The following PCDHGA2 variants were observed in gnomAD, a reference collection of about 807,000 sequenced individuals.
PCDHGA2 encodes the protein protocadherin gamma subfamily A, 2.
In PCDHGA2, 40 loss-of-function variants were observed where a neutral mutation model predicts 59.2. The ratio of observed to expected loss-of-function variants is 0.68; its 90% confidence interval spans 0.52 to 0.88. The LOEUF (loss-of-function observed/expected upper bound fraction) is 0.88. Among genes scored for constraint, PCDHGA2 ranks in the 40% least tolerant of loss-of-function variants. PCDHGA2 has a pLI of 0.00. For missense variants in PCDHGA2, 1,226 were observed against 1,204.0 expected (o/e 1.02, Z -0.27); for synonymous variants, 560 against 526.0 (o/e 1.06, Z -0.89).
chr5:141,395,657 T>C (rs1400217115), intron 1 of PCDHGA2: 1 of 162,996 alleles, frequency 6.1e-6, no homozygotes, highest in African/African-American at 2.4e-5. Context: ...TTAGCAAAAG[T>C]AAAATATATC....
At chr5:141,375,830 G>C in intron 1 of PCDHGA2, 1 of 1,614,152 alleles carries the variant, frequency 6.2e-7, no homozygotes, top group South Asian at 1.1e-5. Context: ...CCGCTCCGCA[G>C]AGCCCGGCTA....
intron 1 of PCDHGA2, chr5:141,344,127 C>G (rs780910092): frequency 1.2e-6 from 2 of 1,613,904 alleles, no homozygotes; most frequent in Non-Finnish European, 8.5e-7. Flanking sequence ...CGGTCAGATC[C>G]GCTACTCGGT....
At position 141,371,633 on chromosome 5, in the gene PCDHGA2, G is replaced by A. The variant is rs771305412; in HGVS notation, c.2424+30238G>A. 7 of 1,614,040 alleles carry A rather than the reference G, an allele frequency of 4.3e-6. No homozygotes were observed. In the Admixed American group the frequency reaches 1.2e-4, roughly 27 times the overall value. ...TGACAGATGGAGCCCTGGACCGGGAGCAGATCCCAGAATACAATGTGACGA... is the reference window on the plus strand; with the variant it reads ...TGACAGATGGAGCCCTGGACCGGGAACAGATCCCAGAATACAATGTGACGA... On this transcript the variant is annotated intron_variant, in intron 1 of 3. Coordinates refer to ENST00000394576, the MANE Select transcript of PCDHGA2 (RefSeq NM_018915.4).
At chr5:141,392,847 G>A (rs759327251) in intron 1 of PCDHGA2, 2 of 1,610,450 alleles carry the variant, frequency 1.2e-6, no homozygotes, top group Non-Finnish European at 1.7e-6. Context: ...CAGACGCGGC[G>A]AGCTGATCCT....
Position 141,340,137 on chromosome 5 carries a change from A to G in PCDHGA2, c.1166A>G (p.Asp389Gly), listed in dbSNP as rs769475009. The G allele has an allele frequency of 1.2e-6, 2 of 1,614,200 alleles. No homozygotes were observed. Among genetic ancestry groups the G allele is most frequent in the Non-Finnish European group, 8.5e-7 (1 of 1,180,024 alleles). ...TTCACCACCTGTTCACTCCCCGAGG[A>G]TCTTCCTTTTAAGTTAGAAAAGTCA... ...NAFTTCSLPE[D>G]LPFKLEKSVD... Residue 389 changes from aspartate to glycine, a missense_variant, in exon 1 of 4, where the codon GAT (aspartate) becomes GGT (glycine). Asp to Gly is a moderately conservative substitution (Grantham distance 94, BLOSUM62 -1). Transcript: ENST00000394576.
rs756706355 is a variant in PCDHGA2 at position 141,486,950 on chromosome 5, G to A, written c.2425-7857G>A. On this transcript the variant is annotated intron_variant, in intron 1 of 3. Transcript: ENST00000394576. This position sits in a 1 kb window ranked among gnomAD's most constrained non-coding sequence, Gnocchi z 5.0. The stretch of plus-strand genomic sequence containing the variant: ...TGGTGCTGGCCACCTAATCACAAAG[G>A]TGACTGCTGTGGACTTGGATTCAGG... 2 of 1,614,202 alleles carry A rather than the reference G, an allele frequency of 1.2e-6. No homozygotes were observed. The highest frequency in any genetic ancestry group is 1.7e-6 in the Non-Finnish European group (2 of 1,180,044).
intron 1 of PCDHGA2, chr5:141,442,016 C>CCA (rs1561906409): frequency 4.6e-6 from 1 of 219,336 alleles, no homozygotes; most frequent in African/African-American, 2.4e-5. Context: ...GCACGATGGG[C>CCA]CACAGGAAAG....
intron 1 of PCDHGA2, chr5:141,422,304 A>G: frequency 6.5e-7 from 1 of 1,548,524 alleles, no homozygotes; most frequent in Non-Finnish European, 8.7e-7. Context: ...CAATTCTGGA[A>G]AACTCTCCTC....
chr5:141,360,524 C>A (rs750300207), intron 1 of PCDHGA2: 2 of 1,613,860 alleles, frequency 1.2e-6, no homozygotes, highest in Non-Finnish European at 8.5e-7. Flanking sequence ...AATGATAATA[C>A]CCCGCTATTC....
chr5:141,392,700 T>C, intron 1 of PCDHGA2: 1 of 1,257,648 alleles, frequency 8.0e-7, no homozygotes, highest in Non-Finnish European at 1.1e-6. Flanking sequence ...GACCCCTGTT[T>C]GGAGGCACTC....
At chr5:141,374,840 GA>G in intron 1 of PCDHGA2, 1 of 1,613,796 alleles carries the variant, frequency 6.2e-7, no homozygotes, top group Non-Finnish European at 8.5e-7. Flanking sequence ...AAGTGTTCCT[GA>G]AAACCTGCCA....
chr5:141,355,345 GC>G (rs762863131), intron 1 of PCDHGA2: 17 of 1,613,902 alleles, frequency 1.1e-5, no homozygotes, highest in African/African-American at 1.3e-5. Flanking sequence ...GGGCAACATC[GC>G]CAAGGACCTG....
intron 1 of PCDHGA2, among the ~76,000 whole-genome samples, chr5:141,451,073 C>A (rs1346074089): frequency 6.6e-6 from 1 of 151,958 alleles, no homozygotes; most frequent in Non-Finnish European, 1.5e-5. Flanking sequence ...TGTGATCCAC[C>A]CACCTTGACC....
intron 1 of PCDHGA2, chr5:141,374,366 C>T: frequency 6.2e-7 from 1 of 1,614,052 alleles, no homozygotes; most frequent in Non-Finnish European, 8.5e-7. Flanking sequence ...CCGCGAGGAG[C>T]TCTGTGCTCA....
In PCDHGA2 at chr5:141,340,556, C is replaced by A; in HGVS notation, c.1585C>A (p.Gln529Lys). 2 of 1,614,228 alleles carry A rather than the reference C, an allele frequency of 1.2e-6. No individual in the cohort carries two copies. Among genetic ancestry groups the A allele is most frequent in the South Asian group, 2.2e-5 (2 of 91,082 alleles). ...TGATTATGAGCAGTTGCGAGACTTG[C>A]AAGTGTGGGTGATAGCGCGGGACAG... is the stretch of plus-strand genomic sequence containing the variant. Reference protein sequence around the residue: ...SFDYEQLRDLQVWVIARDSGN... With the variant: ...SFDYEQLRDLKVWVIARDSGN... Residue 529 changes from glutamine (Q) to lysine (K), a missense_variant, in exon 1 of 4, where the codon CAA becomes AAA. Coordinates refer to ENST00000394576, the MANE Select transcript of PCDHGA2 (RefSeq NM_018915.4).
chr5:141,347,497 A>T (rs1757974142), intron 1 of PCDHGA2, among the ~76,000 whole-genome samples: 1 of 152,084 alleles, frequency 6.6e-6, no homozygotes, highest in Admixed American at 6.6e-5. Context: ...TGGAGAACAA[A>T]AATGTAGAGG....
intron 1 of PCDHGA2, chr5:141,389,862 C>CGTGG (rs2091951757): frequency 6.2e-7 from 1 of 1,613,964 alleles, no homozygotes; most frequent in Non-Finnish European, 8.5e-7. Flanking sequence ...CACGTTGCAC[C>CGTGG]TGGTCTTCGC....
intron 1 of PCDHGA2, among the ~76,000 whole-genome samples, chr5:141,353,928 C>T (rs1759418004): frequency 6.6e-6 from 1 of 152,160 alleles, no homozygotes; most frequent in Non-Finnish European, 1.5e-5. Context: ...TGAGTCATTT[C>T]TACTGCTAAT....
At chr5:141,376,251 G>T in intron 1 of PCDHGA2, 1 of 1,614,228 alleles carries the variant, frequency 6.2e-7, no homozygotes, top group Non-Finnish European at 8.5e-7. Context: ...CACAAGTCAC[G>T]CCTGCTGCAG....
Sources: gnomAD v4.1 joint callset for allele counts (sites outside exome capture counted in the v4.1 genomes callset) on GRCh38, gnomAD v4.1.1 for gene constraint, Gnocchi (gnomAD v3.1) non-coding constraint, MANE v1.5 for transcripts, NCBI Gene and HGNC (gene_info 2026-07-23, HGNC 2026-07-21) for gene names.